Variants in SYK observed in about 807,000 individuals in gnomAD.
The protein encoded by SYK is spleen associated tyrosine kinase.
In SYK, 16 loss-of-function variants were observed where a neutral mutation model predicts 77.8. The ratio of observed to expected loss-of-function variants is 0.21; its 90% confidence interval spans 0.14 to 0.31. SYK has a LOEUF of 0.31. SYK is among the 10% of genes least tolerant of loss of function. The pLI is 1.00. For missense variants in SYK, 529 were observed against 814.4 expected, an observed-to-expected ratio of 0.65 and a Z score of 4.26; for synonymous variants, 312 against 308.7, an observed-to-expected ratio of 1.01 and a Z score of -0.11.
At position 90,828,083 on chromosome 9, in the gene SYK, C is replaced by A. The variant is rs926917800; in HGVS notation, c.-41-15775C>A. 5.3e-5 allele frequency among the ~76,000 whole-genome samples: 8 copies of A among 152,276 alleles called. No individual in the cohort carries two copies. The South Asian group carries it at 8.3e-4, about 16-fold the overall frequency. ...GGTGTTTTGGTTTCTCTAGCAGCTG[C>A]AGGATCCCCATAAAGATTATGCTCA... is the stretch of plus-strand genomic sequence containing the variant. On this transcript the variant is annotated intron_variant, in intron 1 of 13. Coordinates refer to ENST00000375754, the MANE Select transcript of SYK (RefSeq NM_003177.7).
chr9:90,867,243 C>T, intron 7 of SYK, 44 bp downstream of exon 7: 1 of 1,595,942 alleles, frequency 6.3e-7, no homozygotes, highest in South Asian at 1.1e-5. Flanking sequence ...AGTGGTAGGA[C>T]CAACGCGCAC....
chr9:90,845,976 A>G (rs1202829655), intron 3 of SYK, among the ~76,000 whole-genome samples: 7 of 152,206 alleles, frequency 4.6e-5, no homozygotes, highest in African/African-American at 9.6e-5. Context: ...TTGATCTCAG[A>G]CTTTACTTCT....
At chr9:90,883,424 A>G (rs911164713) in intron 11 of SYK, among the ~76,000 whole-genome samples, 4 of 151,976 alleles carry the variant, frequency 2.6e-5, no homozygotes, top group African/African-American at 9.7e-5. Flanking sequence ...GCACTTTCAC[A>G]TGCCACAAAA....
chr9:90,854,048 G>T (rs1011151037), intron 3 of SYK, among the ~76,000 whole-genome samples: 5 of 152,156 alleles, frequency 3.3e-5, no homozygotes, highest in Non-Finnish European at 5.9e-5. Context: ...CAGAACCCCA[G>T]TCCGAGCCCC....
intron 2 of SYK, 144 bp from the exon 3 acceptor site, chr9:90,845,290 C>G: frequency 3.6e-6 from 3 of 840,100 alleles, no homozygotes; most frequent in Non-Finnish European, 5.4e-6. Context: ...AAAGGTCTTT[C>G]TGGTTTTATT....
intron 1 of SYK, among the ~76,000 whole-genome samples, chr9:90,841,568 GA>G (rs1826343017): frequency 7.1e-6 from 1 of 140,664 alleles, no homozygotes; most frequent in Non-Finnish European, 1.6e-5. Context: ...TAGTGTGTGT[GA>G]TGTGTGTAGT....
chr9:90,897,045 CAACTT>C lies in SYK; in HGVS notation c.*1448_*1452del, dbSNP rs368223574. On this transcript the variant is annotated 3_prime_UTR_variant, in exon 14 of 14. Transcript: ENST00000375754. ...CTGTCAAAACAAACAAACAAAAAAA[CAACTT>C]AAAGAGGTAATTTAGCCATCATTCT... is the stretch of plus-strand genomic sequence containing the variant. The C allele has an allele frequency of 4.7e-4, 102 of 216,144 alleles. No individual in the cohort carries two copies. The highest frequency in any genetic ancestry group is 2.2e-3 in the African/African-American group (100 of 44,516). 13.4% of individuals were successfully genotyped at this position (216,144 alleles called of 1,614,324 possible). A position where few individuals can be genotyped will look rare whatever the true frequency, so the allele number is the denominator to read the frequency against.
intron 9 of SYK, among the ~76,000 whole-genome samples, chr9:90,876,947 CAT>C (rs1827958355): frequency 6.6e-6 from 1 of 152,228 alleles, no homozygotes; most frequent in Non-Finnish European, 1.5e-5. Context: ...GGAATTCGTA[CAT>C]GTCATCGTTG....
At chr9:90,889,278 C>G (rs1828697320) in intron 13 of SYK, among the ~76,000 whole-genome samples, 1 of 152,222 alleles carries the variant, frequency 6.6e-6, no homozygotes, top group Non-Finnish European at 1.5e-5. Flanking sequence ...TTTTGCCAGG[C>G]TCAGCAGCCT....
intron 9 of SYK, among the ~76,000 whole-genome samples, chr9:90,876,287 C>CAAAAAAAAAAAAAAAAAAAA (rs71923873): frequency 8.3e-6 from 1 of 120,058 alleles, no homozygotes. Context: ...AACTCTGCCT[C>CAAAAAAAAAAAAAAAAAAAA]AAAAAAAAAA....
In SYK at chr9:90,877,592, G is replaced by A. The variant is rs1415575139; in HGVS notation, c.1203G>A (p.Val401=). 22 of 1,614,076 alleles carry A rather than the reference G, an allele frequency of 1.4e-5. No individual in the cohort carries two copies. The highest frequency in any genetic ancestry group is 1.9e-5 in the Non-Finnish European group (22 of 1,180,044). Reference sequence around the variant, plus strand: ...GCAGAGTTGTGAAAACCGTGGCTGTGAAAATACTGAAAAACGAGGCCAATG... The same window carrying A: ...GCAGAGTTGTGAAAACCGTGGCTGTAAAAATACTGAAAAACGAGGCCAATG... The part of the protein sequence containing the change: ...QMKKVVKTVA[V]KILKNEANDP... The change falls in exon 10 of 14, where the codon GTG becomes GTA. Residue 401 remains valine, a synonymous_variant. Coordinates refer to ENST00000375754, the MANE Select transcript of SYK (RefSeq NM_003177.7).
In SYK at chr9:90,843,952, C is replaced by A; in HGVS notation, c.54C>A (p.Gly18=). The change falls in exon 2 of 14, where the codon GGC becomes GGA. Residue 18 remains glycine (G), a synonymous_variant. Transcript: ENST00000375754. ...CCAACCACCTGCCCTTCTTTTTCGG[C>A]AACATCACCCGGGAGGAGGCAGAAG... ...DSANHLPFFF[G]NITREEAEDY... is the part of the protein sequence containing the mutation. The A allele has an allele frequency of 1.3e-6, 2 of 1,574,804 alleles. No individual in the cohort carries two copies. Among genetic ancestry groups the A allele is most frequent in the South Asian group, 1.2e-5 (1 of 84,692 alleles).
At position 90,841,441 on chromosome 9, in the gene SYK, T is replaced by G. The variant is rs1264720531; in HGVS notation, c.-41-2417T>G. ...TAAGATGTGTGTAGTGTGTTGTGTGTGTAGTGTGTATGTAGTTTGTGTGTG... is the reference window on the plus strand; with the variant it reads ...TAAGATGTGTGTAGTGTGTTGTGTGGGTAGTGTGTATGTAGTTTGTGTGTG... On this transcript the variant is annotated intron_variant, in intron 1 of 13. Coordinates refer to ENST00000375754, the MANE Select transcript of SYK (RefSeq NM_003177.7). Among the ~76,000 whole-genome samples, 5 of 152,134 alleles carry G rather than the reference T, an allele frequency of 3.3e-5. No homozygotes were observed. In the East Asian group the frequency reaches 9.7e-4, roughly 29 times the overall value.
intron 1 of SYK, among the ~76,000 whole-genome samples, chr9:90,811,671 A>T (rs1825076126): frequency 6.6e-6 from 1 of 152,096 alleles, no homozygotes; most frequent in African/African-American, 2.4e-5. Flanking sequence ...TAATTCCAGC[A>T]CTTTGGGAAG....
chr9:90,881,913 C>G (rs1246327401), intron 11 of SYK, among the ~76,000 whole-genome samples: 1 of 152,150 alleles, frequency 6.6e-6, no homozygotes, highest in Admixed American at 6.5e-5. Flanking sequence ...AACTGCCTGA[C>G]GACTGCTCCG....
rs1376708615 is a variant in SYK, at chr9:90,884,559, A to G, written c.1582-3190A>G. 2.1e-5 allele frequency among the ~76,000 whole-genome samples: 2 copies of G among 95,320 alleles called. 1 individual carries two copies. Among genetic ancestry groups the G allele is most frequent in the African/African-American group, 8.3e-5 (2 of 24,192 alleles). 62.5% of individuals were successfully genotyped at this position (95,320 alleles called of 152,430 possible). On this transcript the variant is annotated intron_variant, in intron 11 of 13. Transcript: ENST00000375754. The stretch of plus-strand genomic sequence containing the variant: ...CATGTACATACATACACATACACAT[A>G]TGTGTACATGTACATACATACACAT...
At chr9:90,874,108 A>C in intron 7 of SYK, 96 bp from the exon 8 acceptor site, 1 of 1,000,210 alleles carries the variant, frequency 1.0e-6, no homozygotes, top group East Asian at 2.6e-5. Flanking sequence ...TGCAAAAGTT[A>C]AACTGTGATT....
intron 1 of SYK, among the ~76,000 whole-genome samples, chr9:90,815,873 T>C (rs761748499): frequency 6.6e-6 from 1 of 152,180 alleles, no homozygotes; most frequent in African/African-American, 2.4e-5. Context: ...ACCTTCCACA[T>C]AGAGGTGATA....
chr9:90,855,767 G>A (rs181183467), intron 3 of SYK, among the ~76,000 whole-genome samples: 14 of 151,958 alleles, frequency 9.2e-5, no homozygotes, highest in Admixed American at 3.9e-4. Flanking sequence ...CAAAAGCACA[G>A]ATGTCTGCGT....
Sources: allele counts gnomAD v4.1 joint callset (sites outside exome capture counted in the v4.1 genomes callset), GRCh38; gene constraint gnomAD v4.1.1; transcripts MANE v1.5; gene names NCBI Gene and HGNC (gene_info 2026-07-23, HGNC 2026-07-21).